Variants in MAML2 observed in about 807,000 individuals in gnomAD.
MAML2 encodes mastermind like transcriptional coactivator 2.
A neutral mutation model predicts 96.1 loss-of-function variants in MAML2; 22 were observed. The ratio of observed to expected loss-of-function variants is 0.23; its 90% CI spans 0.16 to 0.33. MAML2 has a LOEUF of 0.33. MAML2 is among the 10% of genes least tolerant of loss of function. MAML2 has a pLI of 1.00. For missense variants in MAML2, 1,367 were observed against 1,392.4 expected (o/e 0.98, Z 0.29); for synonymous variants, 561 against 521.3 (o/e 1.08, Z -1.04).
chr11:96,006,734 A>G (rs1486096526), intron 2 of MAML2, among the ~76,000 whole-genome samples: 1 of 149,090 alleles, frequency 6.7e-6, no homozygotes, highest in Non-Finnish European at 1.5e-5. Context: ...AATTTTTTGT[A>G]TGTTTAGTAG....
intron 2 of MAML2, among the ~76,000 whole-genome samples, chr11:96,082,299 A>C (rs2135799800): frequency 6.6e-6 from 1 of 152,344 alleles, no homozygotes; most frequent in East Asian, 1.9e-4. Flanking sequence ...GGTGGACCAG[A>C]GACCTAAACG....
In MAML2 at chr11:96,042,711, G is replaced by A. The variant is rs74417937; in HGVS notation, c.2139+49181C>T. 3.5e-3 allele frequency among the ~76,000 whole-genome samples: 521 copies of A among 149,376 alleles called. 1 individual carries two copies. The highest frequency in any genetic ancestry group is 6.3e-3 in the Admixed American group (95 of 14,990). On this transcript the variant is annotated intron_variant, in intron 2 of 4. Coordinates refer to ENST00000524717, the MANE Select transcript of MAML2 (RefSeq NM_032427.4). The stretch of plus-strand genomic sequence containing the variant: ...CAAAGCTCAATGAAGTCCTTGTTAA[G>A]ATGATGCTTGTTACCAACCAATCGT...
rs35035966 is a variant in MAML2 at position 96,065,415 on chromosome 11, G to GCA, written c.2139+26475_2139+26476dup. Among the ~76,000 whole-genome samples, 1,089 of 149,534 alleles carry GCA rather than the reference G, an allele frequency of 7.3e-3. 11 individuals carry two copies. Among genetic ancestry groups the GCA allele is most frequent in the African/African-American group, 0.021 (837 of 40,694 alleles). On this transcript the variant is annotated intron_variant, in intron 2 of 4. Transcript: ENST00000524717. ...CTCTAGTGCACATGCGTGCGTGCAT[G>GCA]CACACACACACACACACACACACAC... is the stretch of plus-strand genomic sequence containing the variant.
At chr11:96,294,448 G>A (rs1016589842) in intron 1 of MAML2, among the ~76,000 whole-genome samples, 1 of 152,156 alleles carries the variant, frequency 6.6e-6, no homozygotes, top group Non-Finnish European at 1.5e-5. Context: ...TAACCATTTT[G>A]TGAAAATTTG....
At chr11:96,069,920 G>A (rs1369567627) in intron 2 of MAML2, among the ~76,000 whole-genome samples, 2 of 151,754 alleles carry the variant, frequency 1.3e-5, no homozygotes, top group Non-Finnish European at 2.9e-5. Context: ...CTACTTAGGA[G>A]GCTGAGGCAG....
chr11:96,004,787 A>G (rs1011089848), intron 2 of MAML2, among the ~76,000 whole-genome samples: 2 of 152,204 alleles, frequency 1.3e-5, no homozygotes, highest in Non-Finnish European at 2.9e-5. Context: ...GAATAAGATC[A>G]TGTAAATAAA....
chr11:96,231,511 A>G (rs749653049), intron 1 of MAML2, among the ~76,000 whole-genome samples: 11 of 152,334 alleles, frequency 7.2e-5, no homozygotes, highest in Middle Eastern at 3.4e-3. Flanking sequence ...CGACAATGAG[A>G]TGCACCCTGA....
At chr11:96,272,893 G>T (rs1488455338) in intron 1 of MAML2, among the ~76,000 whole-genome samples, 1 of 152,158 alleles carries the variant, frequency 6.6e-6, no homozygotes, top group African/African-American at 2.4e-5. Flanking sequence ...TTTACTTAAG[G>T]TTATTCTGTC....
chr11:96,037,980 A>T (rs1858745645), intron 2 of MAML2, among the ~76,000 whole-genome samples: 2 of 152,218 alleles, frequency 1.3e-5, no homozygotes, highest in Non-Finnish European at 2.9e-5. Flanking sequence ...CGTACTAAAG[A>T]GAATGTTGAA....
chr11:96,198,616 C>G (rs138935791), intron 1 of MAML2, among the ~76,000 whole-genome samples: 2,144 of 152,252 alleles, frequency 0.014, 26 homozygotes, highest in Non-Finnish European at 0.023. Flanking sequence ...ACTGAAAAAC[C>G]TACCCCAGGT....
rs546911989 is a variant in MAML2, at chr11:96,329,561, G to A, written c.513+11822C>T. On this transcript the variant is annotated intron_variant, in intron 1 of 4. Coordinates refer to ENST00000524717, the MANE Select transcript of MAML2 (RefSeq NM_032427.4). ...AAAAGAGGCCTAAGAAGTGATACAA[G>A]CCACATACCAAGTGCCACTTACTGT... is the stretch of plus-strand genomic sequence containing the variant. Among the ~76,000 whole-genome samples the A allele has an allele frequency of 2.6e-5, 4 of 152,294 alleles. No individual in the cohort carries two copies. In the South Asian group the frequency reaches 8.3e-4, roughly 32 times the overall value.
At chr11:96,113,092 A>C (rs942965596) in intron 1 of MAML2, among the ~76,000 whole-genome samples, 1 of 147,872 alleles carries the variant, frequency 6.8e-6, no homozygotes, top group Non-Finnish European at 1.5e-5. Flanking sequence ...GCAAAAAAAA[A>C]GGATAGTTTT....
At chr11:96,202,208 G>A (rs1438769852) in intron 1 of MAML2, among the ~76,000 whole-genome samples, 11 of 148,162 alleles carry the variant, frequency 7.4e-5, no homozygotes, top group Admixed American at 6.0e-4. Flanking sequence ...AAAATTAGCC[G>A]GGGGTGGTGG....
At chr11:96,198,419 A>G (rs570272479) in intron 1 of MAML2, among the ~76,000 whole-genome samples, 18 of 152,194 alleles carry the variant, frequency 1.2e-4, no homozygotes, top group Admixed American at 3.3e-4. Context: ...TTTTCTGAGA[A>G]AGGCATACAG....
At chr11:96,323,952 G>A (rs1374777280) in intron 1 of MAML2, among the ~76,000 whole-genome samples, 4 of 152,222 alleles carry the variant, frequency 2.6e-5, no homozygotes, top group African/African-American at 4.8e-5. Flanking sequence ...GAAAAGAGAC[G>A]ACTGGCAACA....
At chr11:96,238,753 GATAA>G (rs534380449) in intron 1 of MAML2, among the ~76,000 whole-genome samples, 3 of 152,216 alleles carry the variant, frequency 2.0e-5, no homozygotes, top group Non-Finnish European at 4.4e-5. Flanking sequence ...GAGCTTGTCA[GATAA>G]ATAATGTGTT....
intron 4 of MAML2, among the ~76,000 whole-genome samples, chr11:95,983,302 G>C (rs1857771620): frequency 6.6e-6 from 1 of 152,172 alleles, no homozygotes; most frequent in South Asian, 2.1e-4. Context: ...AATTTTAAGT[G>C]AAATAAGCCA....
chr11:96,016,031 G>A (rs1450750162), intron 2 of MAML2, among the ~76,000 whole-genome samples: 2 of 152,026 alleles, frequency 1.3e-5, no homozygotes, highest in African/African-American at 4.8e-5. Context: ...CGTATTTGGG[G>A]CATCATCAGG....
chr11:96,041,045 A>G (rs967409693), intron 2 of MAML2, among the ~76,000 whole-genome samples: 2 of 152,126 alleles, frequency 1.3e-5, no homozygotes, highest in Admixed American at 1.3e-4. Flanking sequence ...TTATACCACA[A>G]TTTATTTACC....
Sources: allele counts gnomAD v4.1 joint callset (sites outside exome capture counted in the v4.1 genomes callset), GRCh38; gene constraint gnomAD v4.1.1; transcripts MANE v1.5; gene names NCBI Gene and HGNC (gene_info 2026-07-23, HGNC 2026-07-21).